The following AGBL4 variants were observed in gnomAD, a reference collection of about 807,000 sequenced individuals.
The protein encoded by AGBL4 is cytosolic carboxypeptidase 6.
Under a neutral mutation model 66.4 loss-of-function variants are expected in AGBL4, and 58 were observed. That is an observed-to-expected ratio of 0.87 (90% confidence interval 0.71 to 1.09). The LOEUF (loss-of-function observed/expected upper bound fraction) is 1.09, where lower values mean the gene tolerates loss of function less well. Among genes scored for constraint, AGBL4 ranks in the 50% least tolerant of loss-of-function variants. The pLI, the probability that AGBL4 is intolerant of heterozygous loss-of-function variation, is 0.00. For missense variants in AGBL4, 579 were observed against 631.0 expected (o/e 0.92, Z 0.88); for synonymous variants, 234 against 222.9 (o/e 1.05, Z -0.44).
At chr1:49,697,192 A>G (rs925177385) in intron 3 of AGBL4, 121 bp downstream of exon 3, 2 of 1,163,934 alleles carry the variant, frequency 1.7e-6, no homozygotes, top group East Asian at 5.5e-5. Flanking sequence ...AAACTGTATC[A>G]TTGCTGTGGA....
intron 5 of AGBL4, among the ~76,000 whole-genome samples, chr1:48,879,269 G>A (rs1378623508): frequency 1.3e-5 from 2 of 151,434 alleles, no homozygotes; most frequent in Non-Finnish European, 2.9e-5. Context: ...GTTGAGAGGG[G>A]TCAGTGTGTG....
intron 6 of AGBL4, among the ~76,000 whole-genome samples, chr1:48,794,620 T>A (rs1005292988): frequency 2.0e-5 from 3 of 152,212 alleles, no homozygotes; most frequent in Non-Finnish European, 4.4e-5. Flanking sequence ...TTCACACTGT[T>A]GACCTTGCCT....
intron 4 of AGBL4, among the ~76,000 whole-genome samples, chr1:49,058,590 T>C (rs1644347292): frequency 6.6e-6 from 1 of 152,178 alleles, no homozygotes; most frequent in Non-Finnish European, 1.5e-5. Flanking sequence ...TAAATTAGTA[T>C]CATAGAGAGT....
chr1:49,083,055 A>T (rs1196403910), intron 4 of AGBL4, among the ~76,000 whole-genome samples: 1 of 152,170 alleles, frequency 6.6e-6, no homozygotes, highest in Admixed American at 6.5e-5. Context: ...CAAGAGGTGG[A>T]TTCTCATGGT....
rs193218555 is a variant in AGBL4 at position 49,545,263 on chromosome 1, T to C, written c.282+152050A>G. ...AAAGCAGCCATGTTGGGGAGGCCCA[T>C]GTAGCAAAAAACTAAGGGCAGCCAC... On this transcript the variant is annotated intron_variant, in intron 3 of 13. Transcript: ENST00000371839. Among the ~76,000 whole-genome samples the C allele has an allele frequency of 1.2e-3, 184 of 152,236 alleles. 2 individuals carry two copies. Among genetic ancestry groups the C allele is most frequent in the Admixed American group, 9.0e-3 (137 of 15,296 alleles).
At chr1:49,770,161 C>G (rs1055722447) in intron 2 of AGBL4, among the ~76,000 whole-genome samples, 4 of 152,122 alleles carry the variant, frequency 2.6e-5, no homozygotes, top group African/African-American at 9.7e-5. Flanking sequence ...TGGTGAAACC[C>G]CATCTGTATG....
At chr1:48,734,674 C>T (rs1202948292) in intron 6 of AGBL4, among the ~76,000 whole-genome samples, 1 of 152,300 alleles carries the variant, frequency 6.6e-6, no homozygotes, top group East Asian at 1.9e-4. Context: ...CCCCTCAGAC[C>T]ATTATAAAGA....
intron 4 of AGBL4, among the ~76,000 whole-genome samples, chr1:49,088,195 G>A (rs1161971331): frequency 6.6e-6 from 1 of 152,108 alleles, no homozygotes; most frequent in Non-Finnish European, 1.5e-5. Context: ...ACAATAACTA[G>A]CTAACAATAT....
intron 8 of AGBL4, among the ~76,000 whole-genome samples, chr1:48,641,687 A>G (rs78645362): frequency 0.11 from 16,441 of 152,068 alleles, 1,175 homozygotes; most frequent in African/African-American, 0.2. Flanking sequence ...TACACAGCTG[A>G]CTCTCAGTTG....
At chr1:48,640,343 A>G (rs1645734315) in intron 8 of AGBL4, among the ~76,000 whole-genome samples, 1 of 152,016 alleles carries the variant, frequency 6.6e-6, no homozygotes, top group African/African-American at 2.4e-5. Flanking sequence ...TATCTTTCCC[A>G]CCCCCACTCC....
chr1:49,148,907 C>T (rs1569832836), intron 4 of AGBL4, among the ~76,000 whole-genome samples: 1 of 152,164 alleles, frequency 6.6e-6, no homozygotes, highest in African/African-American at 2.4e-5. Context: ...CTGTGTATTT[C>T]CTTCATGGAA....
intron 3 of AGBL4, among the ~76,000 whole-genome samples, chr1:49,387,357 G>A (rs957867092): frequency 3.3e-5 from 5 of 151,732 alleles, no homozygotes; most frequent in Admixed American, 6.6e-5. Flanking sequence ...AGAAGCTCTT[G>A]ATAATCATTT....
chr1:49,601,696 A>C (rs999896070), intron 3 of AGBL4, among the ~76,000 whole-genome samples: 1 of 152,208 alleles, frequency 6.6e-6, no homozygotes, highest in African/African-American at 2.4e-5. Context: ...TTATGCAAAA[A>C]TTAACTCAAG....
chr1:48,836,076 T>C (rs1228624376), intron 6 of AGBL4, among the ~76,000 whole-genome samples: 1 of 151,856 alleles, frequency 6.6e-6, no homozygotes, highest in Non-Finnish European at 1.5e-5. Flanking sequence ...GTAGTTCAGA[T>C]GAAAGAGAAT....
chr1:49,295,647 G>A (rs74334936), intron 3 of AGBL4, among the ~76,000 whole-genome samples: 1,678 of 152,198 alleles, frequency 0.011, 27 homozygotes, highest in African/African-American at 0.039. Context: ...AATTTCAAGT[G>A]CAGTATTGCT....
At chr1:49,647,762 AC>A (rs1238632315) in intron 3 of AGBL4, among the ~76,000 whole-genome samples, 1 of 151,108 alleles carries the variant, frequency 6.6e-6, no homozygotes, top group Non-Finnish European at 1.5e-5. Flanking sequence ...GGGAATACCC[AC>A]CTCCAGCCCA....
At chr1:49,149,461 T>C (rs1646283751) in intron 4 of AGBL4, among the ~76,000 whole-genome samples, 2 of 152,184 alleles carry the variant, frequency 1.3e-5, no homozygotes, top group South Asian at 4.1e-4. Context: ...GCAGTTAACA[T>C]TGTGCAGTGA....
At chr1:48,681,297 C>T (rs1335122144) in intron 6 of AGBL4, among the ~76,000 whole-genome samples, 1 of 152,138 alleles carries the variant, frequency 6.6e-6, no homozygotes, top group Non-Finnish European at 1.5e-5. Flanking sequence ...GCACCTGGCA[C>T]TTAGGAGATG....
chr1:49,051,031 T>A (rs1391769917), intron 4 of AGBL4, among the ~76,000 whole-genome samples: 1 of 152,000 alleles, frequency 6.6e-6, no homozygotes, highest in Non-Finnish European at 1.5e-5. Context: ...GTACATAAGT[T>A]TCTCTAAAAC....
Sources: allele counts gnomAD v4.1 joint callset (sites outside exome capture counted in the v4.1 genomes callset), GRCh38; gene constraint gnomAD v4.1.1; transcripts MANE v1.5; gene names NCBI Gene and HGNC (gene_info 2026-07-23, HGNC 2026-07-21).